TLN2: variants seen among roughly 807,000 people sequenced by gnomAD.
The protein encoded by TLN2 is talin-2.
TLN2 carries 118 observed loss-of-function variants against 294.7 expected under a neutral mutation model. The ratio of observed to expected loss-of-function variants is 0.40; its 90% CI spans 0.34 to 0.47. TLN2 has a LOEUF of 0.47. TLN2 is among the 20% of genes least tolerant of loss of function. The probability of loss-of-function intolerance (pLI) is 0.84; values close to 1 mark genes in which losing one functional copy is unlikely to be tolerated. For missense variants in TLN2, 3,083 were observed against 3,282.2 expected (o/e 0.94, Z 1.48); for synonymous variants, 1,431 against 1,304.5 (o/e 1.10, Z -2.09).
intron 9 of TLN2, among the ~76,000 whole-genome samples, chr15:62,659,855 T>C (rs1224887057): frequency 2.0e-5 from 3 of 152,214 alleles, no homozygotes; most frequent in Admixed American, 2.0e-4. Flanking sequence ...GCTTATACCA[T>C]GCAGGTAAAA....
At position 62,843,702 on chromosome 15, in the gene TLN2, A is replaced by AATT. The variant is rs1255184738; in HGVS notation, c.*3095_*3097dup. On this transcript the variant is annotated 3_prime_UTR_variant, in exon 59 of 59. Transcript: ENST00000636159. Reference sequence around the variant, plus strand: ...AAAGCCTGTTCCTAATTTATCAAAAAATTATAACCAAAATTCACCATAGCC... The same window carrying AATT: ...AAAGCCTGTTCCTAATTTATCAAAAAATTATTATAACCAAAATTCACCATAGCC... 6.6e-6 allele frequency: 1 copy of AATT among 152,222 alleles called. No individual in the cohort carries two copies. The highest frequency in any genetic ancestry group is 1.5e-5 in the Non-Finnish European group (1 of 68,046). The allele number at this position is 152,222 out of a possible 1,614,324, so 9.4% of individuals were successfully genotyped here.
intron 9 of TLN2, 66 bp from the exon 10 acceptor site, chr15:62,673,761 T>C: frequency 2.3e-6 from 3 of 1,287,850 alleles, no homozygotes; most frequent in Non-Finnish European, 3.3e-6. Context: ...TTATTAAATG[T>C]CTTTGCTTTG....
At chr15:62,834,945 G>A (rs544695779) in intron 55 of TLN2, 4 of 152,176 alleles carry the variant, frequency 2.6e-5, no homozygotes. Context: ...ATTGGTGAAG[G>A]AGGTTCAGCC....
At chr15:62,800,214 AG>A (rs1302903371) in intron 48 of TLN2, among the ~76,000 whole-genome samples, 153 bp from the exon 49 acceptor site, 7 of 152,204 alleles carry the variant, frequency 4.6e-5, no homozygotes, top group African/African-American at 1.4e-4. Context: ...AGAATCACCA[AG>A]GGTGGCTTCC....
At chr15:62,537,278 G>T (rs1452137638) in intron 1 of TLN2, among the ~76,000 whole-genome samples, 1 of 152,060 alleles carries the variant, frequency 6.6e-6, no homozygotes, top group Admixed American at 6.6e-5. Flanking sequence ...GCCTCCCAAA[G>T]TGCTGGGATT....
intron 1 of TLN2, among the ~76,000 whole-genome samples, chr15:62,403,904 A>G (rs2033208043): frequency 6.6e-6 from 1 of 152,132 alleles, no homozygotes; most frequent in Admixed American, 6.5e-5. Context: ...GGACTCACTT[A>G]TTGTCTATCT....
intron 2 of TLN2, among the ~76,000 whole-genome samples, chr15:62,594,851 G>A (rs2046354206): frequency 6.6e-6 from 1 of 152,204 alleles, no homozygotes; most frequent in South Asian, 2.1e-4. Context: ...TAGGAAACAA[G>A]AGTGAGGAGA....
intron 3 of TLN2, among the ~76,000 whole-genome samples, chr15:62,622,933 C>T (rs2048958993): frequency 6.6e-6 from 1 of 152,214 alleles, no homozygotes; most frequent in East Asian, 1.9e-4. Flanking sequence ...TTGCTCAGAG[C>T]CCATCGATGT....
At chr15:62,836,795 T>C (rs1346306353) in intron 57 of TLN2, among the ~76,000 whole-genome samples, 1 of 152,230 alleles carries the variant, frequency 6.6e-6, no homozygotes, top group African/African-American at 2.4e-5. Flanking sequence ...TATCATTGCT[T>C]TCTGTTCGTT....
chr15:62,689,843 CTTCTTT>C, intron 12 of TLN2, among the ~76,000 whole-genome samples: 2 of 16,972 alleles, frequency 1.2e-4, no homozygotes, highest in African/African-American at 2.1e-4. Context: ...TTGGTATGGG[CTTCTTT>C]TTTTTTTTTT....
intron 52 of TLN2, among the ~76,000 whole-genome samples, chr15:62,812,338 A>G (rs2141179914): frequency 1.3e-5 from 2 of 152,284 alleles, no homozygotes; most frequent in Admixed American, 1.3e-4. Context: ...TGTACATGAC[A>G]TCTATGGGTC....
At chr15:62,784,810 G>A (rs1464031548) in intron 45 of TLN2, 6 of 152,220 alleles carry the variant, frequency 3.9e-5, no homozygotes, top group South Asian at 2.1e-4. Flanking sequence ...TGTTCGAGAC[G>A]TTCCTAAATG....
chr15:62,776,841 G>A lies in TLN2; in HGVS notation c.5445G>A (p.Leu1815=), dbSNP rs146956888. 1.5e-4 allele frequency: 242 copies of A among 1,601,850 alleles called. No homozygotes were observed. In the African/African-American group the frequency reaches 3.0e-3, roughly 20 times the overall value. Residue 1815 remains leucine (L), a synonymous_variant, in exon 43 of 59, where the codon CTG becomes CTA. Transcript: ENST00000636159. The part of the protein sequence containing the change: ...KEAVDDIMVT[L]NEAASEVGLV... ...CCGTGGATGACATCATGGTGACGCT[G>A]AACGAAGCTGCCAGTGAAGTGGGGC...
intron 9 of TLN2, among the ~76,000 whole-genome samples, chr15:62,672,650 C>G (rs2055570724): frequency 6.6e-6 from 1 of 152,156 alleles, no homozygotes; most frequent in South Asian, 2.1e-4. Flanking sequence ...TTGGTTCAAG[C>G]CACAAGAAGT....
chr15:62,606,226 C>T (rs1257064305), intron 2 of TLN2, among the ~76,000 whole-genome samples: 1 of 151,674 alleles, frequency 6.6e-6, no homozygotes, highest in Non-Finnish European at 1.5e-5. Flanking sequence ...GGACTATAGG[C>T]ACCCACCACC....
intron 1 of TLN2, among the ~76,000 whole-genome samples, chr15:62,484,281 T>C (rs1344745341): frequency 6.6e-6 from 1 of 152,172 alleles, no homozygotes; most frequent in Non-Finnish European, 1.5e-5. Context: ...GAGCAAATTT[T>C]ATTACTAAAA....
At chr15:62,414,160 A>ATCTATATAT (rs1198100168) in intron 1 of TLN2, among the ~76,000 whole-genome samples, 3 of 82,806 alleles carry the variant, frequency 3.6e-5, no homozygotes, top group African/African-American at 3.9e-5. Context: ...AGCAAAAAAA[A>ATCTATATAT]AAACTATATA....
intron 1 of TLN2, among the ~76,000 whole-genome samples, chr15:62,470,455 T>C (rs2037407538): frequency 6.6e-6 from 1 of 152,230 alleles, no homozygotes; most frequent in Non-Finnish European, 1.5e-5. Context: ...TGATAACAGC[T>C]CTGCATCTCT....
chr15:62,819,847 C>T (rs1265368430), intron 53 of TLN2, among the ~76,000 whole-genome samples: 1 of 152,242 alleles, frequency 6.6e-6, no homozygotes, highest in Non-Finnish European at 1.5e-5. Flanking sequence ...AGTGCTTCTA[C>T]TTAAATGGTA....
Sources: allele counts gnomAD v4.1 joint callset (sites outside exome capture counted in the v4.1 genomes callset), GRCh38; gene constraint gnomAD v4.1.1; transcripts MANE v1.5; gene names NCBI Gene and HGNC (gene_info 2026-07-23, HGNC 2026-07-21).